SLC1A1: variants seen among roughly 807,000 people sequenced by gnomAD.
SLC1A1 encodes the protein solute carrier family 1 member 1.
In SLC1A1, 43 loss-of-function variants were observed where a neutral mutation model predicts 53.3. The observed-to-expected ratio is 0.81, with a 90% CI of 0.63 to 1.04. The LOEUF (loss-of-function observed/expected upper bound fraction) is 1.04. SLC1A1 is among the 50% of genes least tolerant of loss of function. The probability of loss-of-function intolerance (pLI) is 0.00; values close to 1 mark genes in which losing one functional copy is unlikely to be tolerated. For missense variants in SLC1A1, 748 were observed against 664.9 expected (o/e 1.12, Z -1.37); for synonymous variants, 307 against 243.2 (o/e 1.26, Z -2.44).
At chr9:4,508,769 G>A (rs1324804539) in intron 1 of SLC1A1, among the ~76,000 whole-genome samples, 1 of 152,192 alleles carries the variant, frequency 6.6e-6, no homozygotes, top group Non-Finnish European at 1.5e-5. Context: ...GTTAGAAAGT[G>A]CAGTGGCTTC....
intron 1 of SLC1A1, among the ~76,000 whole-genome samples, chr9:4,540,150 G>T (rs1034862608): frequency 7.9e-5 from 12 of 152,160 alleles, no homozygotes; most frequent in Non-Finnish European, 1.8e-4. Flanking sequence ...TTGGAGAGAA[G>T]CAGCTTGACT....
At chr9:4,504,114 A>T (rs935717521) in intron 1 of SLC1A1, among the ~76,000 whole-genome samples, 2 of 152,220 alleles carry the variant, frequency 1.3e-5, no homozygotes, top group Admixed American at 1.3e-4. Context: ...GGAAGATCTG[A>T]TCTTCTCAAG....
chr9:4,511,598 C>CA (rs1563999981), intron 1 of SLC1A1, among the ~76,000 whole-genome samples: 18 of 149,026 alleles, frequency 1.2e-4, no homozygotes. Context: ...CACACACACA[C>CA]ACTACACTAC....
chr9:4,539,893 A>G (rs1477002145), intron 1 of SLC1A1, among the ~76,000 whole-genome samples: 1 of 152,202 alleles, frequency 6.6e-6, no homozygotes, highest in Non-Finnish European at 1.5e-5. Flanking sequence ...TATATTTAGC[A>G]TAAAAGCTGG....
intron 1 of SLC1A1, among the ~76,000 whole-genome samples, chr9:4,497,536 G>A (rs191499770): frequency 6.6e-6 from 1 of 152,274 alleles, no homozygotes; most frequent in Admixed American, 6.5e-5. Flanking sequence ...TTAGTAAAAT[G>A]TTGTCCTTGT....
intron 10 of SLC1A1, 146 bp from the exon 11 acceptor site, chr9:4,582,892 G>C: frequency 9.8e-7 from 1 of 1,023,482 alleles, no homozygotes; most frequent in Middle Eastern, 2.1e-4. Context: ...CAGAGCTGGG[G>C]CTCAGCAAGT....
At chr9:4,517,014 G>A (rs1192077536) in intron 1 of SLC1A1, among the ~76,000 whole-genome samples, 5 of 152,192 alleles carry the variant, frequency 3.3e-5, no homozygotes, top group African/African-American at 9.7e-5. Flanking sequence ...AGCTGGCCAT[G>A]TGACTTTGGA....
chr9:4,534,237 C>CA lies in SLC1A1; in HGVS notation c.92-10323dup, dbSNP rs562843341. On this transcript the variant is annotated intron_variant, in intron 1 of 11. Coordinates refer to ENST00000262352, the MANE Select transcript of SLC1A1 (RefSeq NM_004170.6). Reference sequence around the variant, plus strand: ...AGCAGAACTGAAGGAAATAGAGACACAAAAAAACCCTTCAAAAAATCAATG... The same window carrying CA: ...AGCAGAACTGAAGGAAATAGAGACACAAAAAAAACCCTTCAAAAAATCAATG... 3.8e-4 allele frequency among the ~76,000 whole-genome samples: 57 copies of CA among 151,862 alleles called. No individual in the cohort carries two copies. The South Asian group carries it at 0.01, about 27-fold the overall frequency.
intron 10 of SLC1A1, among the ~76,000 whole-genome samples, chr9:4,580,609 G>GTA (rs1820985587): frequency 1.1e-5 from 1 of 94,408 alleles, no homozygotes; most frequent in African/African-American, 4.1e-5. Flanking sequence ...ATATGTGTGT[G>GTA]TGTGTGTGTG....
chr9:4,560,162 C>G (rs760032067), intron 2 of SLC1A1: 6 of 152,102 alleles, frequency 3.9e-5, no homozygotes, highest in East Asian at 1.9e-4. Flanking sequence ...TAAGATGTCT[C>G]ACAATAAAAG....
At chr9:4,555,472 G>C (rs924842051) in intron 2 of SLC1A1, among the ~76,000 whole-genome samples, 1 of 152,192 alleles carries the variant, frequency 6.6e-6, no homozygotes, top group African/African-American at 2.4e-5. Flanking sequence ...GCTTCCTTTG[G>C]AGTGTTTTTG....
At chr9:4,548,591 C>A (rs536177520) in intron 2 of SLC1A1, among the ~76,000 whole-genome samples, 1 of 152,084 alleles carries the variant, frequency 6.6e-6, no homozygotes, top group South Asian at 2.1e-4. Context: ...GGAAGAACCC[C>A]TTTTTATGTG....
intron 2 of SLC1A1, among the ~76,000 whole-genome samples, chr9:4,546,795 C>T (rs537340733): frequency 6.6e-6 from 1 of 152,340 alleles, no homozygotes; most frequent in South Asian, 2.1e-4. Flanking sequence ...CTGCATCCAG[C>T]CCAAGATTCC....
At chr9:4,578,431 A>T (rs531080823) in intron 10 of SLC1A1, among the ~76,000 whole-genome samples, 154 of 152,302 alleles carry the variant, frequency 1.0e-3, no homozygotes, top group African/African-American at 3.6e-3. Context: ...GGATGACATG[A>T]CGTAGGGAGA....
At chr9:4,530,674 G>C (rs1586718182) in intron 1 of SLC1A1, among the ~76,000 whole-genome samples, 1 of 152,118 alleles carries the variant, frequency 6.6e-6, no homozygotes, top group South Asian at 2.1e-4. Flanking sequence ...GTTGATGGTG[G>C]AGTCACCCAT....
At chr9:4,584,906 CA>C (rs1323184292) in intron 11 of SLC1A1, among the ~76,000 whole-genome samples, 2 of 152,198 alleles carry the variant, frequency 1.3e-5, no homozygotes, top group East Asian at 1.9e-4. Flanking sequence ...ACTCCACCCA[CA>C]AAACACCCAA....
chr9:4,572,651 G>A (rs376218102), intron 7 of SLC1A1, among the ~76,000 whole-genome samples: 13 of 152,166 alleles, frequency 8.5e-5, no homozygotes, highest in African/African-American at 2.7e-4. Flanking sequence ...GTGCTCAAGC[G>A]ATCCTCCCGT....
chr9:4,523,140 G>A lies in SLC1A1; in HGVS notation c.92-21427G>A, dbSNP rs554332115. On this transcript the variant is annotated intron_variant, in intron 1 of 11. Transcript: ENST00000262352. ...TCCACCTTCCATTGTTCAGTACCCC[G>A]CTGTGACTCCTGCCTGTGCTGAGTT... is the stretch of plus-strand genomic sequence containing the variant. Among the ~76,000 whole-genome samples, 11 of 152,136 alleles carry A rather than the reference G, an allele frequency of 7.2e-5. No homozygotes were observed. In the South Asian group the frequency reaches 2.1e-3, roughly 29 times the overall value.
chr9:4,527,064 C>A (rs1816287860), intron 1 of SLC1A1, among the ~76,000 whole-genome samples: 1 of 152,176 alleles, frequency 6.6e-6, no homozygotes, highest in South Asian at 2.1e-4. Flanking sequence ...ATCCTGCTGA[C>A]TCTGAAGAGG....
Sources: allele counts gnomAD v4.1 joint callset (sites outside exome capture counted in the v4.1 genomes callset), GRCh38; gene constraint gnomAD v4.1.1; transcripts MANE v1.5; gene names NCBI Gene and HGNC (gene_info 2026-07-23, HGNC 2026-07-21).